The following TRAK2 variants were observed in gnomAD, a reference collection of about 807,000 sequenced individuals.
TRAK2 encodes the protein trafficking kinesin protein 2, also known as trafficking kinesin-binding protein 2.
In TRAK2, 81 loss-of-function variants were observed where a neutral mutation model predicts 104.6. The observed-to-expected ratio is 0.77, with a 90% CI of 0.65 to 0.93. The LOEUF is 0.93. Ranked by LOEUF, TRAK2 falls within the 40% of genes least tolerant of loss-of-function variation. The pLI is 0.00. For missense variants in TRAK2, 1,002 were observed against 1,089.0 expected (o/e 0.92, Z 1.12); for synonymous variants, 406 against 394.4 (o/e 1.03, Z -0.35).
chr2:201,439,828 G>A (rs552708267), intron 1 of TRAK2, among the ~76,000 whole-genome samples: 366 of 145,900 alleles, frequency 2.5e-3, no homozygotes, highest in African/African-American at 8.1e-3. Flanking sequence ...GTAAACTATC[G>A]CAAGGACAAA....
intron 10 of TRAK2, among the ~76,000 whole-genome samples, chr2:201,390,314 G>A (rs1417265334): frequency 6.6e-6 from 1 of 151,428 alleles, no homozygotes; most frequent in Non-Finnish European, 1.5e-5. Flanking sequence ...GGAGGCCAAG[G>A]TGGGTGGATC....
At chr2:201,394,671 T>C (rs1413675786) in intron 9 of TRAK2, 127 bp downstream of exon 9, 3 of 815,530 alleles carry the variant, frequency 3.7e-6, no homozygotes, top group Non-Finnish European at 5.8e-6. Context: ...TCTCATAATA[T>C]CATCTTAACC....
intron 3 of TRAK2, among the ~76,000 whole-genome samples, chr2:201,401,328 T>C (rs1244357984): frequency 6.6e-6 from 1 of 152,056 alleles, no homozygotes; most frequent in Admixed American, 6.6e-5. Context: ...AAGTATCAAA[T>C]GATCAAAAGG....
intron 7 of TRAK2, among the ~76,000 whole-genome samples, chr2:201,396,373 C>G (rs1426004091): frequency 6.6e-6 from 1 of 152,032 alleles, no homozygotes; most frequent in Non-Finnish European, 1.5e-5. Context: ...AAGCCCATAG[C>G]CCAAATGAAT....
chr2:201,424,269 G>A lies in TRAK2; in HGVS notation c.-199-3563C>T, dbSNP rs143368956. 2.7e-4 allele frequency among the ~76,000 whole-genome samples: 41 copies of A among 152,234 alleles called. 1 individual carries two copies. The East Asian group carries it at 7.7e-3, about 29-fold the overall frequency. On this transcript the variant is annotated intron_variant, in intron 1 of 15. Transcript: ENST00000332624. ...AGGGGGAAATGATCATTTTTAGGTA[G>A]GGAACCAAATATCACCTGCTATGTA... is the stretch of plus-strand genomic sequence containing the variant.
At chr2:201,391,636 C>T (rs928141611) in intron 10 of TRAK2, among the ~76,000 whole-genome samples, 4 of 152,056 alleles carry the variant, frequency 2.6e-5, no homozygotes, top group South Asian at 2.1e-4. Context: ...TGTTAATTAC[C>T]GTTAACTTTA....
intron 1 of TRAK2, among the ~76,000 whole-genome samples, chr2:201,437,375 A>T (rs1951886966): frequency 6.6e-6 from 1 of 152,016 alleles, no homozygotes; most frequent in Non-Finnish European, 1.5e-5. Flanking sequence ...CAAAGGCCTC[A>T]ATTTCCAACT....
In TRAK2 at chr2:201,407,514, C is replaced by A; in HGVS notation, c.175G>T (p.Asp59Tyr). The change falls in exon 3 of 16, where the codon GAC becomes TAC. Residue 59 changes from aspartate to tyrosine, a missense_variant. By Grantham distance (160) the Asp-to-Tyr change is radical. Transcript: ENST00000332624. ...EQLPQYRLKVDTLFLYENQDW... is the reference protein window; with the variant it reads ...EQLPQYRLKVYTLFLYENQDW... ...TGATTTTCATATAGAAAGAGAGTGT[C>A]TACTTTTAGCCTATACTGTGGTAGT... is the stretch of plus-strand genomic sequence containing the variant. 2 of 1,614,102 alleles carry A rather than the reference C, an allele frequency of 1.2e-6. No homozygotes were observed. The highest frequency in any genetic ancestry group is 1.7e-6 in the Non-Finnish European group (2 of 1,179,992).
intron 10 of TRAK2, among the ~76,000 whole-genome samples, chr2:201,391,389 T>A (rs1018241533): frequency 3.3e-5 from 5 of 152,172 alleles, no homozygotes; most frequent in African/African-American, 1.2e-4. Context: ...TGCCAATTAA[T>A]AAATGTTGAA....
intron 2 of TRAK2, chr2:201,410,511 T>A (rs560921699): frequency 1.1e-6 from 1 of 925,414 alleles, no homozygotes; most frequent in East Asian, 2.4e-5. Context: ...TCACCCATGA[T>A]TGGAACTGAA....
rs116439711 is a variant in TRAK2, at chr2:201,397,486, A to G, written c.769+16T>C. ...ATTGTCCAAAAAGGTACAAAAGAGA[A>G]TATGTTAATACTCACGAAGTTCTTT... is the stretch of plus-strand genomic sequence containing the variant. On this transcript the variant is annotated intron_variant, in intron 7 of 15. Transcript: ENST00000332624. The G allele has an allele frequency of 3.1e-3, 4,899 of 1,591,590 alleles. 9 individuals carry two copies. Among genetic ancestry groups the G allele is most frequent in the Admixed American group, 5.2e-3 (307 of 58,792 alleles).
chr2:201,421,183 T>C (rs568399925), intron 1 of TRAK2, among the ~76,000 whole-genome samples: 79 of 152,264 alleles, frequency 5.2e-4, no homozygotes, highest in African/African-American at 1.8e-3. Flanking sequence ...CTATAACATA[T>C]GTAGAAGTAG....
intron 1 of TRAK2, among the ~76,000 whole-genome samples, chr2:201,432,706 A>G (rs10198857): frequency 0.012 from 1,882 of 152,306 alleles, 57 homozygotes; most frequent in African/African-American, 0.043. Context: ...ATATCTTGCT[A>G]CTTCCTTAAA....
chr2:201,437,727 C>T (rs562990161), intron 1 of TRAK2, among the ~76,000 whole-genome samples: 1,792 of 152,024 alleles, frequency 0.012, 18 homozygotes, highest in Non-Finnish European at 0.019. Flanking sequence ...AGTTTCCTAC[C>T]GTGTCCTCCA....
At chr2:201,441,960 G>A (rs1027183753) in intron 1 of TRAK2, among the ~76,000 whole-genome samples, 3 of 151,222 alleles carry the variant, frequency 2.0e-5, no homozygotes, top group African/African-American at 7.3e-5. Context: ...CCAAAGTGCT[G>A]GGATTACAGG....
chr2:201,412,860 A>T (rs1030089765), intron 2 of TRAK2: 1 of 815,430 alleles, frequency 1.2e-6, no homozygotes, highest in Non-Finnish European at 2.2e-6. Flanking sequence ...TGGTTTCTAC[A>T]TCATAAAGTT....
At position 201,436,843 on chromosome 2, in the gene TRAK2, T is replaced by A. The variant is rs1363378538; in HGVS notation, c.-200+14507A>T. 4.6e-5 allele frequency among the ~76,000 whole-genome samples: 7 copies of A among 152,292 alleles called. No individual in the cohort carries two copies. The East Asian group carries it at 1.2e-3, about 25-fold the overall frequency. ...TAATCAGTGGCACCAGGACGTGCAA[T>A]CTTATATGACCAGAACAGAGGGTAA... On this transcript the variant is annotated intron_variant, in intron 1 of 15. Coordinates refer to ENST00000332624, the MANE Select transcript of TRAK2 (RefSeq NM_015049.3).
In TRAK2 at chr2:201,407,611, T is replaced by C; in HGVS notation, c.92-14A>G. ...TGGAGCAGACATCTAAAGAGGAGAG[T>C]CTATGTAAATGAATCCAATATATTT... On this transcript the variant is annotated splice_polypyrimidine_tract_variant and intron_variant, in intron 2 of 15. Transcript: ENST00000332624. The C allele has an allele frequency of 6.3e-7, 1 of 1,599,418 alleles. No homozygotes were observed. Among genetic ancestry groups the C allele is most frequent in the South Asian group, 1.1e-5 (1 of 88,844 alleles).
chr2:201,437,719 T>C (rs1951889311), intron 1 of TRAK2, among the ~76,000 whole-genome samples: 1 of 127,370 alleles, frequency 7.9e-6, no homozygotes, highest in African/African-American at 4.0e-5. Context: ...GTGGCCATAG[T>C]TTCCTACCGT....
Sources: gnomAD v4.1 joint callset for allele counts (sites outside exome capture counted in the v4.1 genomes callset) on GRCh38, gnomAD v4.1.1 for gene constraint, MANE v1.5 for transcripts, NCBI Gene and HGNC (gene_info 2026-07-23, HGNC 2026-07-21) for gene names.